Variants in SNX13 observed in about 807,000 individuals in gnomAD.
The protein encoded by SNX13 is sorting nexin-13.
Under a neutral mutation model 133.6 loss-of-function variants are expected in SNX13, and 45 were observed. The ratio of observed to expected loss-of-function variants is 0.34; its 90% CI spans 0.27 to 0.43. The LOEUF (loss-of-function observed/expected upper bound fraction) is 0.43. Among genes scored for constraint, SNX13 ranks in the 20% least tolerant of loss-of-function variants. The pLI, the probability that SNX13 is intolerant of heterozygous loss-of-function variation, is 1.00. For missense variants in SNX13, 1,032 were observed against 1,145.1 expected, an observed-to-expected ratio of 0.90 and a Z score of 1.43; for synonymous variants, 414 against 373.9, an observed-to-expected ratio of 1.11 and a Z score of -1.24.
chr7:17,821,344 T>G (rs1191275284), intron 18 of SNX13, among the ~76,000 whole-genome samples, 165 bp downstream of exon 18: 3 of 152,182 alleles, frequency 2.0e-5, no homozygotes, highest in African/African-American at 7.2e-5. Context: ...CAACATTTGA[T>G]TTACTGGTTA....
At chr7:17,804,187 G>C (rs1418191001) in intron 20 of SNX13, among the ~76,000 whole-genome samples, 2 of 151,872 alleles carry the variant, frequency 1.3e-5, no homozygotes, top group African/African-American at 4.8e-5. Flanking sequence ...AATAAAAAAA[G>C]TTTTCCATTC....
At position 17,801,657 on chromosome 7, in the gene SNX13, C is replaced by T; in HGVS notation, c.2229G>A (p.Val743=). Residue 743 remains valine (V), a splice_region_variant and synonymous_variant, in exon 22 of 26, where the codon GTG becomes GTA. Transcript: ENST00000428135. ...AATCAGTCTTAGGAATTAAAGGAGG[C>T]ACCTAAAAATAAAACCAAATCCACA... ...GQDIKQSFFK[V]PPLIPKTDSD... 1 of 1,604,354 alleles carries T rather than the reference C, an allele frequency of 6.2e-7. No homozygotes were observed. The highest frequency in any genetic ancestry group is 8.5e-7 in the Non-Finnish European group (1 of 1,175,454).
chr7:17,880,029 G>A (rs1483162652), intron 5 of SNX13: 1 of 152,148 alleles, frequency 6.6e-6, no homozygotes, highest in African/African-American at 2.4e-5. Flanking sequence ...TCAAAAGAGG[G>A]AGCCATGAAT....
chr7:17,853,918 G>A (rs1003087269), intron 9 of SNX13, among the ~76,000 whole-genome samples: 10 of 151,662 alleles, frequency 6.6e-5, no homozygotes, highest in Admixed American at 1.3e-4. Flanking sequence ...TCCAGCCTGC[G>A]CGACAGAGCG....
chr7:17,844,419 G>A (rs911103371), intron 12 of SNX13, among the ~76,000 whole-genome samples: 3 of 151,908 alleles, frequency 2.0e-5, no homozygotes, highest in African/African-American at 4.8e-5. Flanking sequence ...ACCAAAAATC[G>A]TCAATAAAGA....
At chr7:17,885,422 G>T (rs1444814773) in intron 5 of SNX13, among the ~76,000 whole-genome samples, 1 of 152,122 alleles carries the variant, frequency 6.6e-6, no homozygotes, top group Non-Finnish European at 1.5e-5. Context: ...TTATTGTGAT[G>T]AAAGCTGTAC....
chr7:17,797,794 C>T (rs977594411), intron 24 of SNX13, among the ~76,000 whole-genome samples: 3 of 151,790 alleles, frequency 2.0e-5, no homozygotes, highest in African/African-American at 7.2e-5. Context: ...CATGCCAGGG[C>T]AGCTAGTCCA....
At chr7:17,831,837 A>G (rs539512368) in intron 15 of SNX13, 18 of 983,212 alleles carry the variant, frequency 1.8e-5, no homozygotes, top group Non-Finnish European at 2.2e-5. Context: ...AAAAAGAAGT[A>G]TATCAGAAGC....
At chr7:17,826,857 G>T (rs1322277880) in intron 16 of SNX13, among the ~76,000 whole-genome samples, 1 of 151,980 alleles carries the variant, frequency 6.6e-6, no homozygotes. Context: ...ATTAAAGCAG[G>T]CTGCAGAGTT....
intron 9 of SNX13, among the ~76,000 whole-genome samples, chr7:17,866,294 GAAAAA>G (rs765308971): frequency 2.3e-5 from 3 of 128,892 alleles, no homozygotes; most frequent in Non-Finnish European, 5.1e-5. Context: ...AACTCAATAG[GAAAAA>G]AAAAAAAAGA....
chr7:17,884,979 A>G (rs1375045283), intron 5 of SNX13, among the ~76,000 whole-genome samples: 3 of 152,218 alleles, frequency 2.0e-5, no homozygotes, highest in Non-Finnish European at 4.4e-5. Flanking sequence ...CATACAATCC[A>G]GAAATTATAT....
intron 5 of SNX13, chr7:17,881,303 C>T (rs1375890756): frequency 6.6e-6 from 1 of 150,992 alleles, no homozygotes; most frequent in African/African-American, 2.4e-5. Flanking sequence ...TGAAAGGAAT[C>T]TCAAGGGAAA....
At chr7:17,846,813 A>G (rs1264839354) in intron 11 of SNX13, among the ~76,000 whole-genome samples, 1 of 152,206 alleles carries the variant, frequency 6.6e-6, no homozygotes, top group African/African-American at 2.4e-5. Flanking sequence ...TTCAAATTGT[A>G]TCACCTCTTT....
chr7:17,807,324 G>T (rs1785424588), intron 20 of SNX13, among the ~76,000 whole-genome samples: 1 of 152,166 alleles, frequency 6.6e-6, no homozygotes, highest in Non-Finnish European at 1.5e-5. Flanking sequence ...GCTTGAGGAG[G>T]TGGTTTTCTC....
intron 2 of SNX13, among the ~76,000 whole-genome samples, chr7:17,893,969 C>CGA (rs1720385005): frequency 2.3e-5 from 2 of 87,346 alleles, no homozygotes; most frequent in Admixed American, 1.2e-4. Context: ...AAGACTGTCT[C>CGA]GAAAAAAAAA....
At chr7:17,868,952 T>A (rs1793723641) in intron 8 of SNX13, among the ~76,000 whole-genome samples, 1 of 152,124 alleles carries the variant, frequency 6.6e-6, no homozygotes, top group Admixed American at 6.5e-5. Flanking sequence ...GGTACATAAA[T>A]GTCTACTGTA....
intron 12 of SNX13, among the ~76,000 whole-genome samples, chr7:17,844,486 G>GT (rs952799254): frequency 5.3e-5 from 8 of 151,972 alleles, no homozygotes; most frequent in Non-Finnish European, 1.2e-4. Flanking sequence ...TTAAAGAAAA[G>GT]TAACACCAAT....
rs77686819 is a variant in SNX13, at chr7:17,931,770, C to T, written c.12+8514G>A. ...ATGGTGAATTATTCCAGTTAATATA[C>T]ATGATCCTCTCATAAGTATATTTAC... On this transcript the variant is annotated intron_variant, in intron 1 of 25. Transcript: ENST00000428135. 7.9e-4 allele frequency among the ~76,000 whole-genome samples: 120 copies of T among 152,322 alleles called. 2 individuals carry two copies. The East Asian group carries it at 0.021, about 27-fold the overall frequency.
chr7:17,882,932 C>T (rs576913673), intron 5 of SNX13: 4 of 768,538 alleles, frequency 5.2e-6, no homozygotes, highest in Non-Finnish European at 5.5e-6. Flanking sequence ...GCCTGGGCGA[C>T]AGGGCGAGAC....
Sources: gnomAD v4.1 joint callset for allele counts (sites outside exome capture counted in the v4.1 genomes callset) on GRCh38, gnomAD v4.1.1 for gene constraint, MANE v1.5 for transcripts, NCBI Gene and HGNC (gene_info 2026-07-23, HGNC 2026-07-21) for gene names.